The following NFATC3 variants were observed in gnomAD, a reference collection of about 807,000 sequenced individuals.
NFATC3 encodes nuclear factor of activated T cells 3.
A neutral mutation model predicts 98.6 loss-of-function variants in NFATC3; 46 were observed. The ratio of observed to expected loss-of-function variants is 0.47; its 90% CI spans 0.37 to 0.60. The LOEUF (loss-of-function observed/expected upper bound fraction) is 0.60. NFATC3 is among the 20% of genes least tolerant of loss of function. The pLI is 0.00. For synonymous variants in NFATC3, 512 were observed against 472.2 expected (o/e 1.08, Z -1.09); for missense variants, 1,256 against 1,295.5 (o/e 0.97, Z 0.47).
intron 8 of NFATC3, among the ~76,000 whole-genome samples, chr16:68,184,444 C>T (rs893084431): frequency 6.6e-6 from 1 of 152,066 alleles, no homozygotes; most frequent in Non-Finnish European, 1.5e-5. Flanking sequence ...CATGAAGTGT[C>T]CTGTTGTGGA....
At chr16:68,164,419 G>GGAGAGGGAGAGC (rs2039088827) in intron 4 of NFATC3, among the ~76,000 whole-genome samples, 1 of 152,144 alleles carries the variant, frequency 6.6e-6, no homozygotes, top group Non-Finnish European at 1.5e-5. Context: ...AGAGGGAGAG[G>GGAGAGGGAGAGC]GAGAGGGAGA....
At chr16:68,132,297 G>C (rs528766517) in intron 3 of NFATC3, among the ~76,000 whole-genome samples, 2 of 152,260 alleles carry the variant, frequency 1.3e-5, no homozygotes, top group East Asian at 3.9e-4. Flanking sequence ...TGGAGGGTGG[G>C]GTAGGGTGAG....
At chr16:68,185,905 C>T (rs1214934869) in intron 8 of NFATC3, among the ~76,000 whole-genome samples, 2 of 150,614 alleles carry the variant, frequency 1.3e-5, no homozygotes, top group Non-Finnish European at 2.9e-5. Flanking sequence ...GAGAATTTGC[C>T]GCCTTTCAGC....
chr16:68,204,647 T>G (rs1198794889), intron 9 of NFATC3, among the ~76,000 whole-genome samples: 1 of 152,240 alleles, frequency 6.6e-6, no homozygotes, highest in Non-Finnish European at 1.5e-5. Flanking sequence ...TAGCTATAAT[T>G]GATTACTTAT....
At chr16:68,121,562 C>T (rs527519083) in intron 1 of NFATC3, among the ~76,000 whole-genome samples, 1 of 150,926 alleles carries the variant, frequency 6.6e-6, no homozygotes, top group Non-Finnish European at 1.5e-5. Flanking sequence ...CCCAGCTACT[C>T]CAGAGGCTGA....
chr16:68,135,708 AT>A (rs1278750106), intron 3 of NFATC3, among the ~76,000 whole-genome samples: 3 of 152,128 alleles, frequency 2.0e-5, no homozygotes, highest in South Asian at 4.1e-4. Context: ...AATTTTCTGA[AT>A]TTTTTTAGAT....
intron 3 of NFATC3, among the ~76,000 whole-genome samples, chr16:68,127,500 A>G (rs73612694): frequency 0.013 from 1,996 of 152,166 alleles, 43 homozygotes; most frequent in African/African-American, 0.045. Flanking sequence ...CAGCCTGGAC[A>G]ATATAGTGAG....
At chr16:68,133,543 CAT>C (rs2037226940) in intron 3 of NFATC3, among the ~76,000 whole-genome samples, 1 of 152,146 alleles carries the variant, frequency 6.6e-6, no homozygotes, top group Non-Finnish European at 1.5e-5. Flanking sequence ...CACAGGTTAA[CAT>C]GTAGAATATT....
chr16:68,185,196 C>T (rs766259313), intron 8 of NFATC3, among the ~76,000 whole-genome samples: 27 of 152,188 alleles, frequency 1.8e-4, no homozygotes, highest in Non-Finnish European at 2.9e-4. Flanking sequence ...AGGCTGGTCT[C>T]GAACTCCTGA....
chr16:68,130,742 CCT>C (rs1205028191), intron 3 of NFATC3, among the ~76,000 whole-genome samples: 2 of 152,028 alleles, frequency 1.3e-5, no homozygotes, highest in African/African-American at 4.8e-5. Flanking sequence ...GAGCTTTCCC[CCT>C]GTGTTTTCTT....
intron 9 of NFATC3, among the ~76,000 whole-genome samples, chr16:68,219,646 C>T (rs943351715): frequency 6.6e-6 from 1 of 152,128 alleles, no homozygotes; most frequent in African/African-American, 2.4e-5. Context: ...CTTTAATCTT[C>T]AGGTTCAGGA....
In NFATC3 at chr16:68,158,062, C is replaced by T. The variant is rs1181000893; in HGVS notation, c.1595C>T (p.Ser532Leu). 2 of 1,609,610 alleles carry T rather than the reference C, an allele frequency of 1.2e-6. No individual in the cohort carries two copies. The highest frequency in any genetic ancestry group is 1.7e-6 in the Non-Finnish European group (2 of 1,177,264). ...CCACTTCTTCCTGAAAATAATATGT[C>T]AGCCAGGTATTTTGAAATATACCTA... Reference protein sequence around the residue: ...EIPLLPENNMSASIDCAGILK... With the variant: ...EIPLLPENNMLASIDCAGILK... The change falls in exon 4 of 10, where the codon TCA becomes TTA. Residue 532 changes from serine (S) to leucine (L), a missense_variant. Physicochemically the swap from Ser to Leu is moderately radical, Grantham distance 145 (BLOSUM62 -2). Coordinates refer to ENST00000346183, the MANE Select transcript of NFATC3 (RefSeq NM_173165.3).
chr16:68,212,056 A>G (rs766950027), intron 9 of NFATC3, among the ~76,000 whole-genome samples: 1 of 152,168 alleles, frequency 6.6e-6, no homozygotes, highest in Non-Finnish European at 1.5e-5. Context: ...ATGCTGCTGT[A>G]CCTGTAATCA....
At chr16:68,148,882 G>A (rs1039410482) in intron 3 of NFATC3, among the ~76,000 whole-genome samples, 26 of 152,258 alleles carry the variant, frequency 1.7e-4, no homozygotes, top group Non-Finnish European at 3.4e-4. Flanking sequence ...GGTGGCTCAT[G>A]CCTGTAGTTC....
chr16:68,158,040 C>T lies in NFATC3; in HGVS notation c.1573C>T (p.Leu525Phe), dbSNP rs376230473. 5 of 1,612,824 alleles carry T rather than the reference C, an allele frequency of 3.1e-6. No individual in the cohort carries two copies. Among genetic ancestry groups the T allele is most frequent in the Non-Finnish European group, 4.2e-6 (5 of 1,179,306 alleles). The change falls in exon 4 of 10, where the codon CTT becomes TTT. Residue 525 changes from leucine to phenylalanine, a missense_variant. This residue lies in a region of NFATC3 where 156 missense variants were observed against 212.4 expected (regional missense o/e 0.73). Coordinates refer to ENST00000346183, the MANE Select transcript of NFATC3 (RefSeq NM_173165.3). ...CAGTACAAAAGTTCTGGAAATTCCA[C>T]TTCTTCCTGAAAATAATATGTCAGC... The part of the protein sequence containing the change: ...IASTKVLEIP[L>F]LPENNMSASI...
At chr16:68,130,775 G>T (rs2037074350) in intron 3 of NFATC3, among the ~76,000 whole-genome samples, 1 of 151,906 alleles carries the variant, frequency 6.6e-6, no homozygotes, top group Admixed American at 6.6e-5. Context: ...TTTAGTTTTG[G>T]ATCTTAAATT....
chr16:68,192,675 A>G (rs150823323), intron 9 of NFATC3, among the ~76,000 whole-genome samples: 1 of 152,206 alleles, frequency 6.6e-6, no homozygotes, highest in African/African-American at 2.4e-5. Context: ...CCTGAGCAAC[A>G]TGGCAGAACC....
chr16:68,089,524 T>A (rs1173015215), intron 1 of NFATC3: 2 of 153,144 alleles, frequency 1.3e-5, no homozygotes, highest in East Asian at 3.8e-4. Context: ...TTATAATAAC[T>A]CTCTACCGTC....
At chr16:68,164,676 G>A (rs942253544) in intron 4 of NFATC3, among the ~76,000 whole-genome samples, 7 of 151,762 alleles carry the variant, frequency 4.6e-5, no homozygotes, top group East Asian at 1.9e-4. Context: ...TCAGGAGATC[G>A]AGACCATCCT....
Sources: gnomAD v4.1 joint callset for allele counts (sites outside exome capture counted in the v4.1 genomes callset) on GRCh38, gnomAD v4.1.1 for gene constraint, gnomAD v4.1.1 regional missense constraint, MANE v1.5 for transcripts, NCBI Gene and HGNC (gene_info 2026-07-23, HGNC 2026-07-21) for gene names.